PRDM2: variants seen among roughly 807,000 people sequenced by gnomAD.
PRDM2 encodes PR domain zinc finger protein 2.
PRDM2 carries 30 observed loss-of-function variants against 130.0 expected under a neutral mutation model. The observed-to-expected ratio is 0.23, with a 90% CI of 0.17 to 0.31. The LOEUF (loss-of-function observed/expected upper bound fraction) is 0.31. Ranked by LOEUF, PRDM2 falls within the 10% of genes least tolerant of loss-of-function variation. PRDM2 has a pLI of 1.00. For missense variants in PRDM2, 2,011 were observed against 2,108.4 expected (o/e 0.95, Z 0.90); for synonymous variants, 871 against 782.4 (o/e 1.11, Z -1.89).
At position 13,780,766 on chromosome 1, in the gene PRDM2, C is replaced by G. The variant is rs1199492884; in HGVS notation, c.2971C>G (p.Pro991Ala). Reference sequence around the variant, plus strand: ...TGCCACTCCGCCCCCTCCCCTCCTTCCTACCGTACCTCTTCCAGCCCCCTC... The same window carrying G: ...TGCCACTCCGCCCCCTCCCCTCCTTGCTACCGTACCTCTTCCAGCCCCCTC... ...TVATPPPPLL[P>A]TVPLPAPSSS... Residue 991 changes from proline to alanine, a missense_variant, in exon 8 of 10, where the codon CCT (proline) becomes GCT (alanine). Coordinates refer to ENST00000311066, the MANE Select transcript of PRDM2 (RefSeq NM_001393986.1). The G allele has an allele frequency of 6.4e-7, 1 of 1,553,336 alleles. No individual in the cohort carries two copies. Among genetic ancestry groups the G allele is most frequent in the South Asian group, 1.2e-5 (1 of 84,492 alleles).
intron 6 of PRDM2, among the ~76,000 whole-genome samples, 197 bp downstream of exon 6, chr1:13,749,684 C>T (rs1643750101): frequency 6.6e-6 from 1 of 151,574 alleles, no homozygotes; most frequent in Admixed American, 6.6e-5. Flanking sequence ...CGCTCGGGCC[C>T]TGCGATCGCT....
Position 13,822,242 on chromosome 1 carries a change from C to T in PRDM2, c.*24-917C>T, listed in dbSNP as rs575227838. Among the ~76,000 whole-genome samples the T allele has an allele frequency of 4.6e-5, 7 of 152,200 alleles. No homozygotes were observed. The East Asian group carries it at 7.7e-4, about 17-fold the overall frequency. ...TGGACATCCTACGACCCAGCATTTCCGCTCAGCACAAATGCATACGTATTT... is the reference window on the plus strand; with the variant it reads ...TGGACATCCTACGACCCAGCATTTCTGCTCAGCACAAATGCATACGTATTT... On this transcript the variant is annotated intron_variant, in intron 9 of 9. Coordinates refer to ENST00000311066, the MANE Select transcript of PRDM2 (RefSeq NM_001393986.1).
chr1:13,733,718 C>T (rs1643180960), intron 4 of PRDM2, among the ~76,000 whole-genome samples: 2 of 152,084 alleles, frequency 1.3e-5, no homozygotes, highest in South Asian at 2.1e-4. Context: ...TGGGGTATTG[C>T]GTAGGAATTC....
intron 6 of PRDM2, among the ~76,000 whole-genome samples, chr1:13,758,094 T>C (rs899202770): frequency 6.6e-6 from 1 of 152,138 alleles, no homozygotes; most frequent in African/African-American, 2.4e-5. Flanking sequence ...CCAAATGTAA[T>C]GTGGCTTTTT....
intron 1 of PRDM2, among the ~76,000 whole-genome samples, chr1:13,710,164 A>G (rs760734247): frequency 6.6e-6 from 1 of 152,222 alleles, no homozygotes; most frequent in Non-Finnish European, 1.5e-5. Context: ...CATTACATTA[A>G]TGCTAGTTTG....
At chr1:13,787,520 A>G in intron 8 of PRDM2, 1 of 983,724 alleles carries the variant, frequency 1.0e-6, no homozygotes, top group Non-Finnish European at 1.2e-6. Flanking sequence ...TTGTAGTTTA[A>G]TATTTGTTTG....
At chr1:13,745,170 G>C (rs138742458) in intron 5 of PRDM2, among the ~76,000 whole-genome samples, 59 of 152,334 alleles carry the variant, frequency 3.9e-4, no homozygotes, top group Middle Eastern at 3.4e-3. Context: ...TAGGGGAAGA[G>C]GCAGATAATA....
intron 1 of PRDM2, among the ~76,000 whole-genome samples, chr1:13,712,580 C>T (rs986501657): frequency 3.2e-4 from 49 of 152,204 alleles, no homozygotes; most frequent in African/African-American, 1.1e-3. Flanking sequence ...CATGGTGAAA[C>T]TCCGTCTCTA....
intron 6 of PRDM2, among the ~76,000 whole-genome samples, chr1:13,751,642 C>G (rs1643844323): frequency 6.6e-6 from 1 of 151,236 alleles, no homozygotes; most frequent in African/African-American, 2.4e-5. Context: ...AAATGTCATT[C>G]AGAGGCAGTG....
chr1:13,759,316 A>G (rs1450989143), intron 6 of PRDM2, among the ~76,000 whole-genome samples: 1 of 152,198 alleles, frequency 6.6e-6, no homozygotes, highest in African/African-American at 2.4e-5. Context: ...CCATGTTTAG[A>G]ACCCCAAGAC....
rs1645256104 is a variant in PRDM2, at chr1:13,816,306, G to A, written c.5037-121G>A. The A allele has an allele frequency of 4.6e-6, 6 of 1,291,124 alleles. No homozygotes were observed. The Admixed American group carries it at 1.1e-4, about 23-fold the overall frequency. The allele number at this position is 1,291,124 out of a possible 1,614,324, so 80.0% of individuals were successfully genotyped here. ...AGGCACCTGGCCTCAAGGTGTCCAGGAAGTGCAATCCTATCCTGGCCTGGG... is the reference window on the plus strand; with the variant it reads ...AGGCACCTGGCCTCAAGGTGTCCAGAAAGTGCAATCCTATCCTGGCCTGGG... On this transcript the variant is annotated intron_variant, in intron 8 of 9. Transcript: ENST00000311066.
At chr1:13,804,160 A>G (rs756345346) in intron 8 of PRDM2, among the ~76,000 whole-genome samples, 4 of 152,262 alleles carry the variant, frequency 2.6e-5, no homozygotes, top group Non-Finnish European at 4.4e-5. Context: ...GGAGGATGAC[A>G]TGAAGACAGC....
chr1:13,763,008 A>G (rs992589528), intron 6 of PRDM2, among the ~76,000 whole-genome samples: 3 of 152,182 alleles, frequency 2.0e-5, no homozygotes, highest in Admixed American at 6.5e-5. Context: ...GGGCCGAGTG[A>G]TTAGGTAGCT....
intron 6 of PRDM2, among the ~76,000 whole-genome samples, chr1:13,757,874 A>T (rs1038133641): frequency 1.3e-5 from 2 of 150,864 alleles, no homozygotes; most frequent in African/African-American, 4.9e-5. Flanking sequence ...TTGCTGATAA[A>T]GCTTTCCTAT....
At chr1:13,817,711 C>T (rs1045657024) in intron 9 of PRDM2, among the ~76,000 whole-genome samples, 3 of 151,902 alleles carry the variant, frequency 2.0e-5, no homozygotes, top group Non-Finnish European at 4.4e-5. Context: ...TAAAAAATCC[C>T]GAGTTCAGCC....
At chr1:13,792,882 C>T (rs1023702799) in intron 8 of PRDM2, among the ~76,000 whole-genome samples, 2 of 152,176 alleles carry the variant, frequency 1.3e-5, no homozygotes, top group African/African-American at 2.4e-5. Context: ...TTAACCGAGT[C>T]GGAGAGAGGC....
chr1:13,750,873 A>G (rs1350877538), intron 6 of PRDM2, among the ~76,000 whole-genome samples: 2 of 152,042 alleles, frequency 1.3e-5, no homozygotes, highest in African/African-American at 4.8e-5. Context: ...ATGTAATTCA[A>G]CTTGTTTCTT....
chr1:13,789,643 A>G (rs1387362038), intron 8 of PRDM2, among the ~76,000 whole-genome samples: 1 of 152,180 alleles, frequency 6.6e-6, no homozygotes, highest in Non-Finnish European at 1.5e-5. Context: ...AGCTCACTTA[A>G]TGCATTTGAT....
intron 5 of PRDM2, among the ~76,000 whole-genome samples, chr1:13,744,248 A>G (rs1429175275): frequency 6.6e-6 from 1 of 152,198 alleles, no homozygotes; most frequent in African/African-American, 2.4e-5. Context: ...CCTGGGTTAG[A>G]TCTTGACTTG....
Sources: gnomAD v4.1 joint callset for allele counts (sites outside exome capture counted in the v4.1 genomes callset) on GRCh38, gnomAD v4.1.1 for gene constraint, MANE v1.5 for transcripts, NCBI Gene and HGNC (gene_info 2026-07-23, HGNC 2026-07-21) for gene names.